Variants in DLG2 observed in about 807,000 individuals in gnomAD.
DLG2 encodes discs large MAGUK scaffold protein 2.
A neutral mutation model predicts 132.5 loss-of-function variants in DLG2; 45 were observed. That is an observed-to-expected ratio of 0.34 (90% confidence interval 0.27 to 0.44). The LOEUF (loss-of-function observed/expected upper bound fraction) is 0.44, where lower values mean the gene tolerates loss of function less well. DLG2 is among the 20% of genes least tolerant of loss of function. The pLI, the probability that DLG2 is intolerant of heterozygous loss-of-function variation, is 1.00. For synonymous variants in DLG2, 424 were observed against 419.6 expected (o/e 1.01, Z -0.13); for missense variants, 1,045 against 1,196.9 (o/e 0.87, Z 1.87).
intron 4 of DLG2, among the ~76,000 whole-genome samples, chr11:85,165,165 T>C (rs17148032): frequency 0.038 from 5,759 of 152,294 alleles, 147 homozygotes; most frequent in African/African-American, 0.065. Context: ...AATTAATGCC[T>C]GTCTAACAAG....
intron 9 of DLG2, among the ~76,000 whole-genome samples, chr11:84,124,276 T>G (rs2094060182): frequency 6.6e-6 from 1 of 152,218 alleles, no homozygotes; most frequent in Non-Finnish European, 1.5e-5. Context: ...ACATAAAATG[T>G]GATCTCCGTG....
intron 3 of DLG2, among the ~76,000 whole-genome samples, chr11:85,509,423 C>A (rs2094007256): frequency 6.6e-6 from 1 of 152,014 alleles, no homozygotes; most frequent in Non-Finnish European, 1.5e-5. Context: ...CCTTACTACA[C>A]AGTACAAGGC....
intron 8 of DLG2, among the ~76,000 whole-genome samples, chr11:84,194,695 C>T (rs2096482165): frequency 6.6e-6 from 1 of 152,190 alleles, no homozygotes; most frequent in Non-Finnish European, 1.5e-5. Context: ...TAAAAGTTCT[C>T]CAAGTCTCAA....
intron 6 of DLG2, among the ~76,000 whole-genome samples, chr11:85,069,721 T>C (rs1002165129): frequency 1.6e-4 from 24 of 152,116 alleles, no homozygotes; most frequent in African/African-American, 2.9e-4. Flanking sequence ...TAAACTAGTT[T>C]AACCATTGTG....
At chr11:85,122,847 C>T (rs983838914) in intron 5 of DLG2, among the ~76,000 whole-genome samples, 9 of 147,978 alleles carry the variant, frequency 6.1e-5, no homozygotes, top group Non-Finnish European at 1.3e-4. Flanking sequence ...CACACACACA[C>T]ATAAATGCAC....
At chr11:85,500,587 A>G (rs1458371416) in intron 3 of DLG2, among the ~76,000 whole-genome samples, 1 of 134,186 alleles carries the variant, frequency 7.5e-6, no homozygotes, top group Non-Finnish European at 1.7e-5. Context: ...TAAAGTTACA[A>G]AATCAAAGTG....
intron 3 of DLG2, among the ~76,000 whole-genome samples, chr11:85,596,859 A>G (rs1235029738): frequency 6.6e-6 from 1 of 152,254 alleles, no homozygotes; most frequent in Non-Finnish European, 1.5e-5. Context: ...TAGATTACTA[A>G]TCAGTACATA....
intron 18 of DLG2, among the ~76,000 whole-genome samples, chr11:83,688,022 A>AC (rs1026091625): frequency 2.6e-5 from 4 of 152,040 alleles, no homozygotes; most frequent in African/African-American, 9.7e-5. Context: ...AAAGAAAAAA[A>AC]AAAAAAAGGA....
intron 6 of DLG2, among the ~76,000 whole-genome samples, chr11:84,898,264 C>T (rs1047041270): frequency 9.9e-5 from 15 of 151,882 alleles, no homozygotes; most frequent in Admixed American, 3.3e-4. Context: ...ATTTATTAAA[C>T]AAAAATAGTC....
intron 6 of DLG2, among the ~76,000 whole-genome samples, chr11:84,920,120 G>A (rs914354590): frequency 6.6e-6 from 1 of 152,108 alleles, no homozygotes; most frequent in African/African-American, 2.4e-5. Context: ...AAAATAGGTA[G>A]CAAAGTAAAA....
chr11:83,802,374 A>ATG (rs1260279090), intron 17 of DLG2, among the ~76,000 whole-genome samples: 1 of 151,998 alleles, frequency 6.6e-6, no homozygotes, highest in Non-Finnish European at 1.5e-5. Flanking sequence ...CTGAGATGAG[A>ATG]TGTGTGTGTG....
intron 6 of DLG2, among the ~76,000 whole-genome samples, chr11:84,734,428 G>A (rs1375383324): frequency 1.3e-5 from 2 of 152,052 alleles, no homozygotes; most frequent in African/African-American, 4.8e-5. Context: ...TCACAATTTG[G>A]CTCTCTGTTT....
chr11:85,017,054 G>A (rs2059634153), intron 6 of DLG2, among the ~76,000 whole-genome samples: 1 of 152,106 alleles, frequency 6.6e-6, no homozygotes, highest in African/African-American at 2.4e-5. Flanking sequence ...AATGCTACAA[G>A]GGCAGAGTTG....
At chr11:84,547,806 C>G (rs1405464183) in intron 6 of DLG2, among the ~76,000 whole-genome samples, 4 of 152,068 alleles carry the variant, frequency 2.6e-5, no homozygotes. Context: ...AAATATTCTG[C>G]TTGGGACCCA....
intron 6 of DLG2, among the ~76,000 whole-genome samples, chr11:84,888,595 T>G (rs1038125559): frequency 3.3e-5 from 5 of 151,688 alleles, no homozygotes; most frequent in African/African-American, 1.2e-4. Context: ...ATATCTCCTA[T>G]TGGCTATTTC....
At chr11:83,840,401 T>C (rs2057286316) in intron 16 of DLG2, among the ~76,000 whole-genome samples, 1 of 152,228 alleles carries the variant, frequency 6.6e-6, no homozygotes, top group Non-Finnish European at 1.5e-5. Flanking sequence ...TTTCATATTA[T>C]AATTAATTAC....
intron 8 of DLG2, among the ~76,000 whole-genome samples, chr11:84,221,301 T>G (rs1169708757): frequency 6.6e-6 from 1 of 151,774 alleles, no homozygotes; most frequent in Non-Finnish European, 1.5e-5. Context: ...CCATCTATAC[T>G]AAAAATACAA....
intron 2 of DLG2, among the ~76,000 whole-genome samples, chr11:85,611,996 G>C (rs576624910): frequency 6.6e-6 from 1 of 152,150 alleles, no homozygotes; most frequent in Non-Finnish European, 1.5e-5. Flanking sequence ...GAGAGAGACA[G>C]AGAGGAAGAG....
intron 6 of DLG2, among the ~76,000 whole-genome samples, chr11:84,764,682 A>G (rs555979837): frequency 3.2e-4 from 48 of 152,270 alleles, no homozygotes; most frequent in African/African-American, 1.1e-3. Context: ...TGGTATATAT[A>G]TGCATATATG....
Sources: gnomAD v4.1 joint callset for allele counts (sites outside exome capture counted in the v4.1 genomes callset) on GRCh38, gnomAD v4.1.1 for gene constraint, MANE v1.5 for transcripts, NCBI Gene and HGNC (gene_info 2026-07-23, HGNC 2026-07-21) for gene names.